ZNF480: variants seen among roughly 807,000 people sequenced by gnomAD.
ZNF480 encodes zinc finger protein 480.
Under a neutral mutation model 14.4 loss-of-function variants are expected in ZNF480, and 15 were observed. That is an observed-to-expected ratio of 1.04 (90% CI 0.70 to 1.60). The LOEUF (loss-of-function observed/expected upper bound fraction) is 1.60. ZNF480 is among the 40% of genes most tolerant of loss of function. The pLI is 0.00. For synonymous variants in ZNF480, 218 were observed against 215.5 expected, an observed-to-expected ratio of 1.01 and a Z score of -0.10; for missense variants, 593 against 629.7, an observed-to-expected ratio of 0.94 and a Z score of 0.62.
chr19:52,303,654 A>G (rs1982796182), intron 2 of ZNF480, among the ~76,000 whole-genome samples: 1 of 152,132 alleles, frequency 6.6e-6, no homozygotes, highest in Non-Finnish European at 1.5e-5. Context: ...TATTTATTTG[A>G]GGTTTTATGT....
chr19:52,314,081 C>T, intron 2 of ZNF480, 72 bp from the exon 3 acceptor site: 1 of 1,448,958 alleles, frequency 6.9e-7, no homozygotes, highest in Non-Finnish European at 9.3e-7. Flanking sequence ...ATCTTTACAA[C>T]TCCCTTCTCA....
chr19:52,314,123 C>T, intron 2 of ZNF480, 30 bp from the exon 3 acceptor site: 2 of 1,541,788 alleles, frequency 1.3e-6, no homozygotes, highest in Non-Finnish European at 1.8e-6. Context: ...CTTTACATAT[C>T]CTGTTGGTGA....
At chr19:52,317,825 A>G (rs1983630526) in intron 4 of ZNF480, among the ~76,000 whole-genome samples, 2 of 152,078 alleles carry the variant, frequency 1.3e-5, no homozygotes. Context: ...CTATTTCTCC[A>G]TATTTTCGAC....
chr19:52,317,596 C>T (rs1983621984), intron 4 of ZNF480: 2 of 152,264 alleles, frequency 1.3e-5, no homozygotes, highest in Admixed American at 6.5e-5. Flanking sequence ...GTCTCGAACT[C>T]CTCACCTCAG....
chr19:52,322,699 C>T lies in ZNF480; in HGVS notation c.1449C>T (p.Tyr483=), dbSNP rs1372617413. 8 of 1,613,748 alleles carry T rather than the reference C, an allele frequency of 5.0e-6. No individual in the cohort carries two copies. The highest frequency in any genetic ancestry group is 6.8e-6 in the Non-Finnish European group (8 of 1,179,760). The change falls in exon 5 of 5, where the codon TAC becomes TAT. Residue 483 remains tyrosine, a synonymous_variant. Coordinates refer to ENST00000595962, the MANE Select transcript of ZNF480 (RefSeq NM_144684.4). ...HQRIHTGERP[Y]KCNECGKVFN... is the part of the protein sequence containing the mutation. ...GAATCCATACTGGAGAAAGACCTTACAAATGTAATGAATGTGGCAAGGTCT... is the reference window on the plus strand; with the variant it reads ...GAATCCATACTGGAGAAAGACCTTATAAATGTAATGAATGTGGCAAGGTCT...
In ZNF480 at chr19:52,325,300, AG is replaced by A. The variant is rs1984044196; in HGVS notation, c.*2443del. On this transcript the variant is annotated 3_prime_UTR_variant, in exon 5 of 5. Transcript: ENST00000595962. ...AGATGCTAGTGAGGCTGCAGAGAAA[AG>A]CAAATACTTATACACTGCTGGTGGG... 6.6e-6 allele frequency: 1 copy of A among 151,654 alleles called. No individual in the cohort carries two copies. 9.4% of individuals were successfully genotyped at this position (151,654 alleles called of 1,614,324 possible). A position where few individuals can be genotyped will look rare whatever the true frequency, so the allele number is the denominator to read the frequency against.
At chr19:52,307,204 A>G (rs1349395594) in intron 2 of ZNF480, among the ~76,000 whole-genome samples, 1 of 152,158 alleles carries the variant, frequency 6.6e-6, no homozygotes, top group African/African-American at 2.4e-5. Flanking sequence ...CTACATTCAT[A>G]GTTTCTCAGT....
intron 2 of ZNF480, among the ~76,000 whole-genome samples, chr19:52,308,357 A>C (rs890166434): frequency 6.9e-6 from 1 of 144,250 alleles, no homozygotes; most frequent in African/African-American, 2.6e-5. Flanking sequence ...TCCAGGCCAG[A>C]GTACAGTAGC....
chr19:52,313,617 T>C (rs1253484297), intron 2 of ZNF480, among the ~76,000 whole-genome samples: 1 of 152,196 alleles, frequency 6.6e-6, no homozygotes, highest in African/African-American at 2.4e-5. Context: ...AATTTTTTAT[T>C]TGCATTTCTT....
At chr19:52,311,302 A>T (rs1306861904) in intron 2 of ZNF480, among the ~76,000 whole-genome samples, 4 of 151,874 alleles carry the variant, frequency 2.6e-5, no homozygotes, top group African/African-American at 4.8e-5. Context: ...TAGGCAACAT[A>T]CTGAAACCCC....
At chr19:52,298,582 GATTGCGCC>G (rs1982530220) in intron 1 of ZNF480, among the ~76,000 whole-genome samples, 1 of 151,558 alleles carries the variant, frequency 6.6e-6, no homozygotes, top group Non-Finnish European at 1.5e-5. Flanking sequence ...AGTGAGCTGA[GATTGCGCC>G]ATTGCACTCC....
intron 1 of ZNF480, among the ~76,000 whole-genome samples, chr19:52,300,139 G>T (rs1305539697): frequency 3.9e-5 from 6 of 152,220 alleles, no homozygotes; most frequent in Non-Finnish European, 7.3e-5. Context: ...CTGAAGGGGA[G>T]CTTAGACCAG....
chr19:52,304,045 A>G (rs960679063), intron 2 of ZNF480, among the ~76,000 whole-genome samples: 23 of 152,238 alleles, frequency 1.5e-4, no homozygotes, highest in African/African-American at 5.3e-4. Flanking sequence ...TATCGTCCAT[A>G]TAATGAATAA....
chr19:52,298,934 G>A (rs1445480165), intron 1 of ZNF480, among the ~76,000 whole-genome samples: 1 of 152,152 alleles, frequency 6.6e-6, no homozygotes, highest in Non-Finnish European at 1.5e-5. Context: ...CAGATGAACG[G>A]TGAGTTGATT....
rs777347543 is a variant in ZNF480, at chr19:52,322,058, T to C, written c.808T>C (p.Tyr270His). Reference protein sequence around the residue: ...KCNVCGKVFSYNSNFARHQRI... With the variant: ...KCNVCGKVFSHNSNFARHQRI... ...TAATGTCTGTGGCAAGGTTTTTAGTTACAATTCAAACTTTGCACGACATCA... is the reference window on the plus strand; with the variant it reads ...TAATGTCTGTGGCAAGGTTTTTAGTCACAATTCAAACTTTGCACGACATCA... The change falls in exon 5 of 5, where the codon TAC becomes CAC. Residue 270 changes from tyrosine (Y) to histidine (H), a missense_variant. Tyr to His is a moderately conservative substitution (Grantham distance 83, BLOSUM62 2). Coordinates refer to ENST00000595962, the MANE Select transcript of ZNF480 (RefSeq NM_144684.4). 1.2e-6 allele frequency: 2 copies of C among 1,613,468 alleles called. No individual in the cohort carries two copies. The highest frequency in any genetic ancestry group is 4.5e-5 in the East Asian group (2 of 44,830).
At chr19:52,308,419 G>T (rs1983086846) in intron 2 of ZNF480, among the ~76,000 whole-genome samples, 1 of 148,474 alleles carries the variant, frequency 6.7e-6, no homozygotes. Context: ...CAATTCTTGT[G>T]CCTCAGTGTC....
chr19:52,307,595 G>C (rs1052433943), intron 2 of ZNF480: 1 of 152,140 alleles, frequency 6.6e-6, no homozygotes, highest in South Asian at 2.1e-4. Flanking sequence ...AGTGTGATCA[G>C]GGGGCCAACA....
At chr19:52,301,091 A>G (rs1982669978) in intron 2 of ZNF480, 1 of 152,686 alleles carries the variant, frequency 6.5e-6, no homozygotes. Flanking sequence ...TGTTGCCAGC[A>G]TGTTCCCCTT....
At chr19:52,310,553 GC>G (rs1457859746) in intron 2 of ZNF480, among the ~76,000 whole-genome samples, 1 of 151,752 alleles carries the variant, frequency 6.6e-6, no homozygotes, top group Non-Finnish European at 1.5e-5. Context: ...GCACAGACCA[GC>G]CCCCTTTTCC....
Sources: allele counts gnomAD v4.1 joint callset (sites outside exome capture counted in the v4.1 genomes callset), GRCh38; gene constraint gnomAD v4.1.1; transcripts MANE v1.5; gene names NCBI Gene and HGNC (gene_info 2026-07-23, HGNC 2026-07-21).